The following IL1RAPL1 variants were observed in gnomAD, a reference collection of about 807,000 sequenced individuals.
The protein encoded by IL1RAPL1 is interleukin-1 receptor accessory protein-like 1.
IL1RAPL1 carries 3 observed loss-of-function variants against 48.4 expected under a neutral mutation model. That is an observed-to-expected ratio of 0.06 (90% CI 0.03 to 0.16). IL1RAPL1 has a LOEUF of 0.16. IL1RAPL1 is among the 10% of genes least tolerant of loss of function. The probability of loss-of-function intolerance (pLI) is 1.00; values close to 1 mark genes in which losing one functional copy is unlikely to be tolerated. For synonymous variants in IL1RAPL1, 185 were observed against 187.7 expected (o/e 0.99, Z 0.12); for missense variants, 349 against 530.6 (o/e 0.66, Z 3.36).
chrX:28,857,977 G>A (rs1387158787), intron 2 of IL1RAPL1, among the ~76,000 whole-genome samples: 1 of 111,818 alleles, frequency 8.9e-6, no homozygotes, highest in African/African-American at 3.2e-5. Flanking sequence ...TTCATGGGAG[G>A]AGGTCAAAAT....
At chrX:29,848,592 T>C (rs1166216972) in intron 6 of IL1RAPL1, among the ~76,000 whole-genome samples, 7 of 111,564 alleles carry the variant, frequency 6.3e-5, no homozygotes, top group Non-Finnish European at 1.3e-4. Context: ...TAAATAGTTA[T>C]GGTTTTTGTT....
chrX:28,742,994 A>T (rs773010478), intron 1 of IL1RAPL1, among the ~76,000 whole-genome samples: 155 of 111,971 alleles, frequency 1.4e-3, no homozygotes, highest in Non-Finnish European at 2.5e-3. Context: ...ATCAAAGAAC[A>T]TTGTAATCTG....
At chrX:29,381,591 G>A (rs1460154480) in intron 3 of IL1RAPL1, among the ~76,000 whole-genome samples, 4 of 99,385 alleles carry the variant, frequency 4.0e-5, no homozygotes, top group East Asian at 3.3e-4. Context: ...GAGGCAGGAG[G>A]ATCTCTTGAG....
intron 2 of IL1RAPL1, among the ~76,000 whole-genome samples, chrX:28,870,114 T>C (rs1458914575): frequency 1.8e-5 from 2 of 111,787 alleles, no homozygotes; most frequent in Non-Finnish European, 3.8e-5. Flanking sequence ...TGCCATATTA[T>C]GGATATACAT....
intron 2 of IL1RAPL1, among the ~76,000 whole-genome samples, chrX:28,920,025 A>G (rs1923578958): frequency 8.9e-6 from 1 of 112,023 alleles, no homozygotes; most frequent in Non-Finnish European, 1.9e-5. Context: ...AGACAGCTCA[A>G]AGTTCATTTC....
At chrX:29,494,573 T>C (rs1314522604) in intron 5 of IL1RAPL1, among the ~76,000 whole-genome samples, 1 of 112,299 alleles carries the variant, frequency 8.9e-6, no homozygotes, top group African/African-American at 3.2e-5. Flanking sequence ...ATTTACCTGC[T>C]GTCTCTAATG....
intron 6 of IL1RAPL1, among the ~76,000 whole-genome samples, chrX:29,876,770 T>A (rs1433204555): frequency 8.9e-6 from 1 of 111,740 alleles, no homozygotes; most frequent in Non-Finnish European, 1.9e-5. Context: ...CAGAAAAAAT[T>A]AAGCTTATAT....
At chrX:29,263,844 TCTTTCTCTCTCTCTCTCC>T (rs1045663454) in intron 2 of IL1RAPL1, among the ~76,000 whole-genome samples, 2 of 70,596 alleles carry the variant, frequency 2.8e-5, no homozygotes, top group African/African-American at 5.1e-5. Flanking sequence ...TCTCTCTCTC[TCTTTCTCTCTCTCTCTCC>T]CCCCCCCCCG....
chrX:29,763,934 A>G (rs1475824570), intron 6 of IL1RAPL1, among the ~76,000 whole-genome samples: 1 of 110,954 alleles, frequency 9.0e-6, no homozygotes, highest in Non-Finnish European at 1.9e-5. Flanking sequence ...CCTCAAAGGC[A>G]GTATTTAATA....
chrX:29,586,900 A>G (rs57841605), intron 5 of IL1RAPL1, among the ~76,000 whole-genome samples: 4,488 of 111,316 alleles, frequency 0.04, 207 homozygotes, highest in African/African-American at 0.14. Flanking sequence ...CAACTTTACC[A>G]AATTCGTGTT....
At chrX:29,588,309 G>C (rs149946877) in intron 5 of IL1RAPL1, among the ~76,000 whole-genome samples, 1 of 112,234 alleles carries the variant, frequency 8.9e-6, no homozygotes, top group South Asian at 3.7e-4. Context: ...TGGTGTAATG[G>C]ATAAGGCTTT....
chrX:29,283,271 C>G, intron 3 of IL1RAPL1, 54 bp downstream of exon 3: 1 of 1,111,385 alleles, frequency 9.0e-7, no homozygotes, highest in Non-Finnish European at 1.2e-6. Context: ...GCTGCTTTCT[C>G]GTACTTAAAT....
intron 6 of IL1RAPL1, among the ~76,000 whole-genome samples, chrX:29,810,189 A>T (rs1443908269): frequency 9.9e-6 from 1 of 100,925 alleles, no homozygotes; most frequent in Non-Finnish European, 1.9e-5. Flanking sequence ...ATTTATTTTT[A>T]TTTTATTTTA....
intron 2 of IL1RAPL1, among the ~76,000 whole-genome samples, chrX:28,832,439 C>G (rs983549639): frequency 8.1e-5 from 9 of 111,495 alleles, no homozygotes; most frequent in Non-Finnish European, 1.3e-4. Flanking sequence ...CCCAAATTCT[C>G]TTTTCAGAAT....
intron 5 of IL1RAPL1, among the ~76,000 whole-genome samples, chrX:29,469,096 C>A (rs747973154): frequency 8.9e-6 from 1 of 112,128 alleles, no homozygotes; most frequent in Non-Finnish European, 1.9e-5. Context: ...CAAAAGAATT[C>A]TCTTTTCTCT....
chrX:29,883,370 C>T (rs1468442072), intron 6 of IL1RAPL1, among the ~76,000 whole-genome samples: 1 of 111,349 alleles, frequency 9.0e-6, no homozygotes, highest in Non-Finnish European at 1.9e-5. Context: ...GCCTGCAATT[C>T]AGTCATAAAA....
intron 5 of IL1RAPL1, among the ~76,000 whole-genome samples, chrX:29,586,152 G>T (rs189634657): frequency 0.014 from 1,520 of 111,267 alleles, 25 homozygotes; most frequent in African/African-American, 0.047. Flanking sequence ...TCCCCTGTGT[G>T]TTTTCATAGT....
intron 7 of IL1RAPL1, among the ~76,000 whole-genome samples, chrX:29,918,736 T>C (rs1932823809): frequency 8.9e-6 from 1 of 111,748 alleles, no homozygotes; most frequent in Admixed American, 9.5e-5. Context: ...CATGAAAATA[T>C]TTGAAGGCAT....
At chrX:29,080,304 G>A (rs973072240) in intron 2 of IL1RAPL1, among the ~76,000 whole-genome samples, 3 of 110,078 alleles carry the variant, frequency 2.7e-5, no homozygotes, top group South Asian at 4.0e-4. Context: ...ACTTGAGCCC[G>A]GAAGATTGAG....
Sources: gnomAD v4.1 joint callset for allele counts (sites outside exome capture counted in the v4.1 genomes callset) on GRCh38, gnomAD v4.1.1 for gene constraint, MANE v1.5 for transcripts, NCBI Gene and HGNC (gene_info 2026-07-23, HGNC 2026-07-21) for gene names.